Variants in MAP2K6 observed in about 807,000 individuals in gnomAD.
MAP2K6 encodes dual specificity mitogen-activated protein kinase kinase 6.
MAP2K6 carries 16 observed loss-of-function variants against 53.7 expected under a neutral mutation model. The ratio of observed to expected loss-of-function variants is 0.30; its 90% CI spans 0.20 to 0.45. MAP2K6 has a LOEUF of 0.45. MAP2K6 is among the 20% of genes least tolerant of loss of function. The pLI, the probability that MAP2K6 is intolerant of heterozygous loss-of-function variation, is 1.00. For synonymous variants in MAP2K6, 132 were observed against 143.1 expected (o/e 0.92, Z 0.55); for missense variants, 204 against 411.9 (o/e 0.50, Z 4.37).
intron 9 of MAP2K6, among the ~76,000 whole-genome samples, chr17:69,526,079 C>T (rs567967889): frequency 6.6e-6 from 1 of 152,262 alleles, no homozygotes; most frequent in East Asian, 1.9e-4. Context: ...GCACATGATC[C>T]TGTAATGCAA....
chr17:69,418,995 A>G (rs553034457), intron 1 of MAP2K6, among the ~76,000 whole-genome samples: 1 of 152,292 alleles, frequency 6.6e-6, no homozygotes, highest in African/African-American at 2.4e-5. Flanking sequence ...TTTTTTGGGT[A>G]CTATCTCCAT....
intron 2 of MAP2K6, among the ~76,000 whole-genome samples, chr17:69,515,250 G>A (rs1910081601): frequency 6.6e-6 from 1 of 151,736 alleles, no homozygotes; most frequent in Admixed American, 6.6e-5. Context: ...TCCGCCTTCC[G>A]GGTTCAAGCG....
At chr17:69,489,834 C>A (rs1908675946) in intron 1 of MAP2K6, among the ~76,000 whole-genome samples, 1 of 152,168 alleles carries the variant, frequency 6.6e-6, no homozygotes, top group Admixed American at 6.5e-5. Flanking sequence ...GAAGTGTCAC[C>A]AGTGGGAAAT....
chr17:69,498,629 C>CCACA (rs112844153), intron 1 of MAP2K6, among the ~76,000 whole-genome samples: 7 of 146,316 alleles, frequency 4.8e-5, no homozygotes, highest in Non-Finnish European at 7.5e-5. Context: ...CGCCTGGAAG[C>CCACA]CACACACACA....
intron 10 of MAP2K6, among the ~76,000 whole-genome samples, chr17:69,529,482 C>G (rs992445961): frequency 6.7e-6 from 1 of 148,252 alleles, no homozygotes; most frequent in Non-Finnish European, 1.5e-5. Context: ...AAATGAACAT[C>G]TTGAGAAATA....
intron 1 of MAP2K6, among the ~76,000 whole-genome samples, chr17:69,455,866 T>G (rs574754616): frequency 1.5e-4 from 22 of 147,362 alleles, no homozygotes; most frequent in East Asian, 1.2e-3. Context: ...TTTTTTTTTT[T>G]TTTTTTTTTT....
chr17:69,510,799 T>A (rs1909770223), intron 2 of MAP2K6, among the ~76,000 whole-genome samples: 1 of 150,648 alleles, frequency 6.6e-6, no homozygotes, highest in South Asian at 2.1e-4. Context: ...TGTTGTGACA[T>A]CCTTTTTTTT....
At chr17:69,448,154 C>T (rs552510898) in intron 1 of MAP2K6, among the ~76,000 whole-genome samples, 3 of 152,028 alleles carry the variant, frequency 2.0e-5, no homozygotes, top group Non-Finnish European at 4.4e-5. Flanking sequence ...CTTGTTGTTT[C>T]TAATGTATAT....
At chr17:69,525,596 A>G (rs1178338827) in intron 9 of MAP2K6, among the ~76,000 whole-genome samples, 7 of 152,220 alleles carry the variant, frequency 4.6e-5, no homozygotes, top group Admixed American at 4.6e-4. Flanking sequence ...CACATCTTAT[A>G]TGGCGGCAGA....
At chr17:69,502,731 A>T in intron 1 of MAP2K6, 1 of 983,664 alleles carries the variant, frequency 1.0e-6, no homozygotes, top group Non-Finnish European at 1.2e-6. Flanking sequence ...GGCTGGGTGT[A>T]ACAGTGATCT....
chr17:69,550,438 T>C lies in MAP2K6; in HGVS notation c.*8685T>C, dbSNP rs1912049012. ...GCTTCTTTCCCATAATTCAGAGAAC[T>C]GTGAATGTACTTAGAAATACACTAC... On this transcript the variant is annotated 3_prime_UTR_variant, in exon 12 of 12. Coordinates refer to ENST00000590474, the MANE Select transcript of MAP2K6 (RefSeq NM_002758.4). The C allele has an allele frequency of 1.3e-5, 2 of 152,232 alleles. No homozygotes were observed. Among genetic ancestry groups the C allele is most frequent in the Non-Finnish European group, 1.5e-5 (1 of 68,044 alleles). The allele number at this position is 152,232 out of a possible 1,614,324, so 9.4% of individuals were successfully genotyped here. A position where few individuals can be genotyped will look rare whatever the true frequency, so the allele number is the denominator to read the frequency against.
intron 11 of MAP2K6, among the ~76,000 whole-genome samples, chr17:69,537,087 A>AAAACAAAC (rs78904534): frequency 1.4e-4 from 21 of 151,806 alleles, no homozygotes; most frequent in African/African-American, 1.9e-4. Flanking sequence ...GTCTCAAAGA[A>AAAACAAAC]AAACAAACAA....
At chr17:69,475,757 A>AGAG (rs1908129505) in intron 1 of MAP2K6, among the ~76,000 whole-genome samples, 8 of 152,092 alleles carry the variant, frequency 5.3e-5, no homozygotes. Context: ...GGTGTGTTTG[A>AGAG]GAGGGGGCCC....
At chr17:69,415,681 T>A (rs548843791) in intron 1 of MAP2K6, among the ~76,000 whole-genome samples, 1 of 152,318 alleles carries the variant, frequency 6.6e-6, no homozygotes, top group Non-Finnish European at 1.5e-5. Context: ...ATGTTTTATG[T>A]CTGCCCATTT....
rs1321517462 is a variant in MAP2K6 at position 69,543,437 on chromosome 17, T to G, written c.*1684T>G. On this transcript the variant is annotated 3_prime_UTR_variant, in exon 12 of 12. Coordinates refer to ENST00000590474, the MANE Select transcript of MAP2K6 (RefSeq NM_002758.4). ...GAATGAGCGTGACACTTCCGAACAC[T>G]TCTTCATATTCAGTTCCAAGATATA... 6.6e-6 allele frequency: 1 copy of G among 152,092 alleles called. No homozygotes were observed. The highest frequency in any genetic ancestry group is 1.5e-5 in the Non-Finnish European group (1 of 68,020). 9.4% of individuals were successfully genotyped at this position (152,092 alleles called of 1,614,324 possible).
intron 1 of MAP2K6, among the ~76,000 whole-genome samples, chr17:69,501,305 G>A (rs1195348697): frequency 1.3e-5 from 2 of 152,110 alleles, no homozygotes; most frequent in African/African-American, 2.4e-5. Context: ...TTGACCGCGT[G>A]GGCTTCTCAT....
At chr17:69,448,532 C>A (rs1907058568) in intron 1 of MAP2K6, among the ~76,000 whole-genome samples, 1 of 152,090 alleles carries the variant, frequency 6.6e-6, no homozygotes, top group African/African-American at 2.4e-5. Context: ...CCATCACTGC[C>A]TTGGCCTCAC....
chr17:69,466,158 C>T (rs923847913), intron 1 of MAP2K6, among the ~76,000 whole-genome samples: 2 of 149,950 alleles, frequency 1.3e-5, no homozygotes, highest in East Asian at 4.0e-4. Flanking sequence ...TGGTGGCGCA[C>T]AGCTGTAGTC....
At chr17:69,468,409 C>T (rs1417414527) in intron 1 of MAP2K6, among the ~76,000 whole-genome samples, 2 of 152,214 alleles carry the variant, frequency 1.3e-5, no homozygotes, top group Non-Finnish European at 2.9e-5. Context: ...TCTTTTCAGG[C>T]TGGGATAACA....
Sources: allele counts gnomAD v4.1 joint callset (sites outside exome capture counted in the v4.1 genomes callset), GRCh38; gene constraint gnomAD v4.1.1; transcripts MANE v1.5; gene names NCBI Gene and HGNC (gene_info 2026-07-23, HGNC 2026-07-21).